Variants in PDS5A observed in about 807,000 individuals in gnomAD.
The protein encoded by PDS5A is PDS5 cohesin associated factor A.
Under a neutral mutation model 167.1 loss-of-function variants are expected in PDS5A, and 42 were observed. The observed-to-expected ratio is 0.25, with a 90% CI of 0.20 to 0.33. PDS5A has a LOEUF of 0.33. PDS5A is among the 10% of genes least tolerant of loss of function. The pLI, the probability that PDS5A is intolerant of heterozygous loss-of-function variation, is 1.00. For missense variants in PDS5A, 1,033 were observed against 1,605.9 expected (o/e 0.64, Z 6.10); for synonymous variants, 553 against 554.6 (o/e 1.00, Z 0.04).
intron 17 of PDS5A, among the ~76,000 whole-genome samples, chr4:39,883,382 T>C (rs919558255): frequency 3.9e-5 from 6 of 152,152 alleles, no homozygotes; most frequent in Non-Finnish European, 8.8e-5. Context: ...GGTTTCACCA[T>C]GTTGGCCAGG....
At chr4:39,875,111 A>C (rs1429809137) in intron 19 of PDS5A, among the ~76,000 whole-genome samples, 2 of 152,176 alleles carry the variant, frequency 1.3e-5, no homozygotes, top group East Asian at 1.9e-4. Context: ...TTCTTTCAAA[A>C]TCCACATACT....
intron 2 of PDS5A, among the ~76,000 whole-genome samples, chr4:39,929,518 A>AATATATATATATATATATAT (rs1725770084): frequency 4.4e-5 from 1 of 22,766 alleles, no homozygotes; most frequent in African/African-American, 2.4e-4. Flanking sequence ...TACTTAATAA[A>AATATATATATATATATATAT]CTATATATAT....
intron 17 of PDS5A, among the ~76,000 whole-genome samples, chr4:39,885,690 G>A (rs1051867276): frequency 3.7e-4 from 56 of 151,518 alleles, no homozygotes; most frequent in African/African-American, 1.3e-3. Flanking sequence ...CGAAGTGGGT[G>A]GATCGCTTAG....
chr4:39,826,205 G>A (rs530270666), intron 32 of PDS5A, among the ~76,000 whole-genome samples: 6 of 143,312 alleles, frequency 4.2e-5, no homozygotes, highest in Non-Finnish European at 9.1e-5. Flanking sequence ...TTTTTTAAAC[G>A]CATTTCCCTA....
intron 2 of PDS5A, among the ~76,000 whole-genome samples, chr4:39,936,467 C>T (rs984435926): frequency 6.6e-6 from 1 of 152,114 alleles, no homozygotes; most frequent in Non-Finnish European, 1.5e-5. Context: ...GAGACAGTTT[C>T]GCTGTCACCC....
intron 2 of PDS5A, among the ~76,000 whole-genome samples, chr4:39,953,422 GT>G (rs34704998): frequency 0.26 from 36,576 of 142,450 alleles, 4,982 homozygotes; most frequent in Middle Eastern, 0.39. Flanking sequence ...TGAAGAATCA[GT>G]TTTTTTTTTT....
chr4:39,915,458 C>G (rs192250754), intron 8 of PDS5A, among the ~76,000 whole-genome samples: 6 of 150,070 alleles, frequency 4.0e-5, no homozygotes, highest in African/African-American at 1.5e-4. Flanking sequence ...CTTCCAGGCT[C>G]AAGCCATCCT....
intron 2 of PDS5A, among the ~76,000 whole-genome samples, chr4:39,962,258 G>A (rs986120273): frequency 1.1e-4 from 16 of 151,690 alleles, no homozygotes; most frequent in Non-Finnish European, 1.6e-4. Context: ...GGGTTTCACT[G>A]TGTTAGCCAG....
At chr4:39,845,211 A>G (rs76554728) in intron 29 of PDS5A, among the ~76,000 whole-genome samples, 5,057 of 152,274 alleles carry the variant, frequency 0.033, 205 homozygotes, top group East Asian at 0.22. Flanking sequence ...GTCTCAAGAA[A>G]AAAAAAGATC....
chr4:39,960,058 A>G (rs974515161), intron 2 of PDS5A, among the ~76,000 whole-genome samples: 2 of 152,100 alleles, frequency 1.3e-5, no homozygotes, highest in African/African-American at 2.4e-5. Flanking sequence ...GCGCCACTGC[A>G]CTCCAGCCTG....
chr4:39,968,200 C>T (rs779686952), intron 2 of PDS5A, among the ~76,000 whole-genome samples: 13 of 151,806 alleles, frequency 8.6e-5, no homozygotes, highest in Non-Finnish European at 1.6e-4. Flanking sequence ...GTGATCTGCC[C>T]GTTTCAGCCT....
chr4:39,930,379 C>T (rs560410586), intron 2 of PDS5A, among the ~76,000 whole-genome samples: 34 of 151,256 alleles, frequency 2.2e-4, no homozygotes, highest in African/African-American at 8.2e-4. Context: ...AGGCATAAGC[C>T]ACCATGCCTG....
intron 13 of PDS5A, among the ~76,000 whole-genome samples, chr4:39,901,764 C>T (rs997824479): frequency 2.0e-5 from 3 of 151,942 alleles, no homozygotes; most frequent in Admixed American, 6.6e-5. Flanking sequence ...CACTCATTTA[C>T]TTTGTGTATT....
In PDS5A at chr4:39,881,992, T is replaced by C. The variant is rs552526802; in HGVS notation, c.1887-2159A>G. Among the ~76,000 whole-genome samples the C allele has an allele frequency of 5.3e-5, 8 of 152,306 alleles. No individual in the cohort carries two copies. The East Asian group carries it at 1.4e-3, about 26-fold the overall frequency. On this transcript the variant is annotated intron_variant, in intron 17 of 32. Coordinates refer to ENST00000303538, the MANE Select transcript of PDS5A (RefSeq NM_001100399.2). ...GCACATACTCTCTTGCCTGTCACCA[T>C]GTAAGATGTCACTTTGCTCTTGCTT... is the stretch of plus-strand genomic sequence containing the variant.
In PDS5A at chr4:39,912,626, C is replaced by T. The variant is rs149522262; in HGVS notation, c.992+985G>A. ...TTTACATCAAGAAAAATTCTGGCAC[C>T]AACTACTGAATCAGTTGAACTAAAA... is the stretch of plus-strand genomic sequence containing the variant. On this transcript the variant is annotated intron_variant, in intron 9 of 32. Coordinates refer to ENST00000303538, the MANE Select transcript of PDS5A (RefSeq NM_001100399.2). 4.7e-4 allele frequency among the ~76,000 whole-genome samples: 72 copies of T among 152,246 alleles called. 1 individual carries two copies. In the East Asian group the frequency reaches 0.013, roughly 29 times the overall value.
Position 39,955,975 on chromosome 4 carries a change from C to T in PDS5A, c.138+20465G>A, listed in dbSNP as rs916258359. On this transcript the variant is annotated intron_variant, in intron 2 of 32. Coordinates refer to ENST00000303538, the MANE Select transcript of PDS5A (RefSeq NM_001100399.2). ...ACTAAAAATACAAAAATTAGCCAGA[C>T]ATGGTGGTGGCACACACCTGTAGTC... Among the ~76,000 whole-genome samples, 11 of 151,998 alleles carry T rather than the reference C, an allele frequency of 7.2e-5. No individual in the cohort carries two copies. In the East Asian group the frequency reaches 2.1e-3, roughly 29 times the overall value.
At chr4:39,968,638 G>A (rs551544825) in intron 2 of PDS5A, among the ~76,000 whole-genome samples, 2 of 151,520 alleles carry the variant, frequency 1.3e-5, no homozygotes, top group East Asian at 3.9e-4. Context: ...CTCCACGTTG[G>A]TCAGGCTGGT....
intron 2 of PDS5A, among the ~76,000 whole-genome samples, chr4:39,970,563 CTTAGT>C (rs984926452): frequency 3.3e-5 from 5 of 151,636 alleles, no homozygotes; most frequent in Non-Finnish European, 5.9e-5. Context: ...TTTAGTTCTA[CTTAGT>C]TTAGATTCCT....
At chr4:39,939,408 A>C (rs1446119454) in intron 2 of PDS5A, among the ~76,000 whole-genome samples, 4 of 152,194 alleles carry the variant, frequency 2.6e-5, no homozygotes, top group Admixed American at 2.0e-4. Flanking sequence ...GTGAGGCTGT[A>C]ATGACCTCTG....
Sources: allele counts gnomAD v4.1 joint callset (sites outside exome capture counted in the v4.1 genomes callset), GRCh38; gene constraint gnomAD v4.1.1; transcripts MANE v1.5; gene names NCBI Gene and HGNC (gene_info 2026-07-23, HGNC 2026-07-21).